CARF: variants seen among roughly 807,000 people sequenced by gnomAD.
The protein encoded by CARF is calcium-responsive transcription factor.
CARF carries 57 observed loss-of-function variants against 82.0 expected under a neutral mutation model. The ratio of observed to expected loss-of-function variants is 0.70; its 90% CI spans 0.56 to 0.87. The LOEUF (loss-of-function observed/expected upper bound fraction) is 0.87, where lower values mean the gene tolerates loss of function less well. Ranked by LOEUF, CARF falls within the 40% of genes least tolerant of loss-of-function variation. CARF has a pLI of 0.00. For synonymous variants in CARF, 268 were observed against 290.1 expected, an observed-to-expected ratio of 0.92 and a Z score of 0.77; for missense variants, 771 against 855.8, an observed-to-expected ratio of 0.90 and a Z score of 1.24.
chr2:202,967,033 G>C lies in CARF; in HGVS notation c.888G>C (p.Gln296His), dbSNP rs1425781188. Residue 296 changes from glutamine to histidine, a missense_variant, in exon 10 of 17, where the codon CAG becomes CAC. Gln to His is a conservative substitution (Grantham distance 24). Transcript: ENST00000438828. ...ATGGGCCAAGAAGAAAAGGTTTCCA[G>C]TTAAAAAAAGTCAGTGAGCAGGAAA... ...CQYGPRRKGF[Q>H]LKKVSEQESR... 6.2e-7 allele frequency: 1 copy of C among 1,613,958 alleles called. No homozygotes were observed.
intron 9 of CARF, among the ~76,000 whole-genome samples, chr2:202,963,865 C>G (rs1346683868): frequency 6.6e-6 from 1 of 152,170 alleles, no homozygotes; most frequent in Non-Finnish European, 1.5e-5. Flanking sequence ...GGAGGTAATG[C>G]AAGTGATAGG....
At position 202,912,316 on chromosome 2, in the gene CARF, C is replaced by G. The variant is rs1018430482; in HGVS notation, c.-1116C>G. On this transcript the variant is annotated 5_prime_UTR_variant, in exon 1 of 17. Transcript: ENST00000438828. ...GGTCTCCATGGCGGGGCCTCGGAGC[C>G]AAGACGAGGTTGAGTAGACTCGTTT... 13 of 152,216 alleles carry G rather than the reference C, an allele frequency of 8.5e-5. No homozygotes were observed. Among genetic ancestry groups the G allele is most frequent in the Non-Finnish European group, 1.5e-4 (10 of 68,064 alleles). 9.4% of individuals were successfully genotyped at this position (152,216 alleles called of 1,614,324 possible).
At position 202,955,718 on chromosome 2, in the gene CARF, C is replaced by G; in HGVS notation, c.602C>G (p.Ser201Cys). The change falls in exon 8 of 17, where the codon TCT becomes TGT. Residue 201 changes from serine to cysteine, a missense_variant. Physicochemically the swap from Ser to Cys is moderately radical, Grantham distance 112 (BLOSUM62 -1). Transcript: ENST00000438828. Reference sequence around the variant, plus strand: ...CTGGGGCCTCTTCAGCCACTTTCTTCTAATACACCTATATGGGCCTGCCGT... The same window carrying G: ...CTGGGGCCTCTTCAGCCACTTTCTTGTAATACACCTATATGGGCCTGCCGT... The part of the protein sequence containing the change: ...PLLGPLQPLS[S>C]NTPIWACRLR... 2 of 1,612,382 alleles carry G rather than the reference C, an allele frequency of 1.2e-6. No individual in the cohort carries two copies. Among genetic ancestry groups the G allele is most frequent in the Non-Finnish European group, 1.7e-6 (2 of 1,179,028 alleles).
At chr2:202,915,250 T>C (rs545162890) in intron 1 of CARF, among the ~76,000 whole-genome samples, 1 of 152,058 alleles carries the variant, frequency 6.6e-6, no homozygotes, top group East Asian at 1.9e-4. Context: ...CCCCTGACCT[T>C]GTGATCTTCC....
chr2:202,957,070 T>C (rs114702158), intron 8 of CARF, among the ~76,000 whole-genome samples: 13,486 of 152,268 alleles, frequency 0.089, 738 homozygotes, highest in Non-Finnish European at 0.12. Flanking sequence ...ATTACAGGCA[T>C]GAGCCACCGC....
At chr2:202,973,240 A>G (rs2059879002) in intron 12 of CARF, among the ~76,000 whole-genome samples, 1 of 152,124 alleles carries the variant, frequency 6.6e-6, no homozygotes, top group East Asian at 1.9e-4. Context: ...TAGACATTTT[A>G]TATTTATTTC....
At chr2:202,978,906 T>C (rs918786111) in intron 14 of CARF, among the ~76,000 whole-genome samples, 1 of 151,816 alleles carries the variant, frequency 6.6e-6, no homozygotes, top group Non-Finnish European at 1.5e-5. Context: ...TGACTGGAGG[T>C]TCACATGAGG....
intron 1 of CARF, among the ~76,000 whole-genome samples, chr2:202,914,040 G>A (rs1165766869): frequency 6.6e-6 from 1 of 151,954 alleles, no homozygotes; most frequent in Admixed American, 6.5e-5. Flanking sequence ...TATGTTTTAC[G>A]GTTTTTTTCA....
intron 2 of CARF, among the ~76,000 whole-genome samples, chr2:202,918,363 CA>C (rs1216745250): frequency 5.9e-5 from 9 of 151,524 alleles, no homozygotes; most frequent in Non-Finnish European, 1.3e-4. Flanking sequence ...TACTAAAATA[CA>C]AAAAAAATTA....
chr2:202,966,182 C>T (rs2059542374), intron 9 of CARF, among the ~76,000 whole-genome samples: 1 of 152,064 alleles, frequency 6.6e-6, no homozygotes, highest in Admixed American at 6.6e-5. Flanking sequence ...ACCACTTTGG[C>T]CATATTTATT....
chr2:202,945,670 C>T (rs1574611749), intron 5 of CARF, among the ~76,000 whole-genome samples: 1 of 152,182 alleles, frequency 6.6e-6, no homozygotes, highest in African/African-American at 2.4e-5. Flanking sequence ...GCATAGTATT[C>T]CGTGGTGTAT....
At position 202,981,687 on chromosome 2, in the gene CARF, T is replaced by TAG. The variant is rs2060270224; in HGVS notation, c.1689+3_1689+4dup. 6.2e-7 allele frequency: 1 copy of TAG among 1,608,092 alleles called. No individual in the cohort carries two copies. Among genetic ancestry groups the TAG allele is most frequent in the African/African-American group, 1.3e-5 (1 of 74,750 alleles). On this transcript the variant is annotated splice_region_variant and intron_variant, in intron 15 of 16. Coordinates refer to ENST00000438828, the MANE Select transcript of CARF (RefSeq NM_024744.17). ...CCCAAAATATTTACACAACTACAGG[T>TAG]AGGTATCCAGTAAAATATCCAAATT...
At chr2:202,977,174 A>C (rs2060068707) in intron 13 of CARF, 95 bp from the exon 14 acceptor site, 2 of 891,968 alleles carry the variant, frequency 2.2e-6, no homozygotes, top group Non-Finnish European at 3.6e-6. Flanking sequence ...AATAAATCAC[A>C]TACTGTGAAT....
intron 1 of CARF, among the ~76,000 whole-genome samples, chr2:202,916,486 A>T (rs1689693741): frequency 6.6e-6 from 1 of 152,094 alleles, no homozygotes; most frequent in Admixed American, 6.6e-5. Context: ...CCCGCCGAGC[A>T]ATACTTTTTA....
intron 10 of CARF, 69 bp downstream of exon 10, chr2:202,967,167 T>A (rs565400698): frequency 1.8e-4 from 267 of 1,516,372 alleles, no homozygotes; most frequent in Non-Finnish European, 2.0e-4. Flanking sequence ...ACACATATTT[T>A]TATTAGGTTT....
chr2:202,986,897 T>TATACATATATATATATAC lies in CARF; in HGVS notation c.*3276_*3277insCATATATATATATACATA, dbSNP rs1429542495. 1.5e-5 allele frequency: 2 copies of TATACATATATATATATAC among 135,938 alleles called. No homozygotes were observed. Among genetic ancestry groups the TATACATATATATATATAC allele is most frequent in the African/African-American group, 5.2e-5 (2 of 38,110 alleles). The allele number at this position is 135,938 out of a possible 1,614,324, so 8.4% of individuals were successfully genotyped here. On this transcript the variant is annotated 3_prime_UTR_variant, in exon 17 of 17. Coordinates refer to ENST00000438828, the MANE Select transcript of CARF (RefSeq NM_024744.17). ...ATATATATATATATATATATATATA[T>TATACATATATATATATAC]ATATATATATAGCAACTTGATGTAT...
intron 7 of CARF, among the ~76,000 whole-genome samples, chr2:202,954,336 C>A (rs187200965): frequency 6.6e-6 from 1 of 152,260 alleles, no homozygotes; most frequent in African/African-American, 2.4e-5. Context: ...TGCCACTTTT[C>A]CTCAGTGACA....
intron 1 of CARF, among the ~76,000 whole-genome samples, 188 bp downstream of exon 1, chr2:202,913,290 A>T (rs1331252760): frequency 6.6e-6 from 1 of 152,226 alleles, no homozygotes; most frequent in Non-Finnish European, 1.5e-5. Context: ...GACTCTTTTC[A>T]GTTTACTCAC....
In CARF at chr2:202,936,276, T is replaced by G. The variant is rs141337992; in HGVS notation, c.-43-5584T>G. 5.6e-3 allele frequency among the ~76,000 whole-genome samples: 859 copies of G among 152,304 alleles called. 10 individuals are homozygous for G. Among genetic ancestry groups the G allele is most frequent in the African/African-American group, 0.019 (803 of 41,562 alleles). On this transcript the variant is annotated intron_variant, in intron 3 of 16. Coordinates refer to ENST00000438828, the MANE Select transcript of CARF (RefSeq NM_024744.17). The stretch of plus-strand genomic sequence containing the variant: ...CACATTGTGGTGGTACTATTTTACT[T>G]TTTTTAATTGAGGTGAAATTCATAT...
Sources: gnomAD v4.1 joint callset for allele counts (sites outside exome capture counted in the v4.1 genomes callset) on GRCh38, gnomAD v4.1.1 for gene constraint, MANE v1.5 for transcripts, NCBI Gene and HGNC (gene_info 2026-07-23, HGNC 2026-07-21) for gene names.